ZNF705A: variants seen among roughly 807,000 people sequenced by gnomAD.
The protein encoded by ZNF705A is zinc finger protein 705A.
ZNF705A carries 8 observed loss-of-function variants against 16.6 expected under a neutral mutation model. The ratio of observed to expected loss-of-function variants is 0.48; its 90% CI spans 0.28 to 0.87. The LOEUF (loss-of-function observed/expected upper bound fraction) is 0.87, where lower values mean the gene tolerates loss of function less well. ZNF705A is among the 40% of genes least tolerant of loss of function. The pLI is 0.10. For missense variants in ZNF705A, 233 were observed against 359.9 expected (o/e 0.65, Z 2.85); for synonymous variants, 73 against 117.3 (o/e 0.62, Z 2.44).
intron 1 of ZNF705A, among the ~76,000 whole-genome samples, chr12:8,163,883 T>G (rs1948377722): frequency 6.6e-6 from 1 of 152,134 alleles, no homozygotes; most frequent in Non-Finnish European, 1.5e-5. Flanking sequence ...TCCTTTTAAG[T>G]TTTTTAACCA....
chr12:8,163,285 C>T (rs1309421853), intron 1 of ZNF705A, among the ~76,000 whole-genome samples: 1 of 152,196 alleles, frequency 6.6e-6, no homozygotes, highest in Non-Finnish European at 1.5e-5. Context: ...CTTTGCAATA[C>T]AGACGCTTAG....
chr12:8,166,798 T>C (rs1948402738), intron 1 of ZNF705A, among the ~76,000 whole-genome samples: 2 of 152,258 alleles, frequency 1.3e-5, no homozygotes, highest in Non-Finnish European at 2.9e-5. Context: ...CCTAGAATGC[T>C]GTGAGCACTG....
chr12:8,168,651 C>T (rs955657168), upstream of ZNF705A, among the ~76,000 whole-genome samples: 4 of 152,270 alleles, frequency 2.6e-5, no homozygotes, highest in South Asian at 2.1e-4. Context: ...TAGCCAAATT[C>T]GTGGCCAAAC....
At chr12:8,162,498 T>C (rs1948363984) in intron 1 of ZNF705A, among the ~76,000 whole-genome samples, 1 of 152,032 alleles carries the variant, frequency 6.6e-6, no homozygotes, top group African/African-American at 2.4e-5. Flanking sequence ...GAGATAGCAG[T>C]TGTTCATGTT....
chr12:8,169,239 C>T (rs4523764), upstream of ZNF705A, among the ~76,000 whole-genome samples: 16 of 152,226 alleles, frequency 1.1e-4, no homozygotes, highest in East Asian at 3.9e-4. Flanking sequence ...TTTCAGGGCA[C>T]GGTGCTTTCA....
At chr12:8,177,151 C>G (rs993459232) in exon 5 of ZNF705A, 1 of 1,611,870 alleles carries the variant, frequency 6.2e-7, no homozygotes, top group African/African-American at 1.3e-5. Context: ...GTAATCTTTT[C>G]TCCCCTAAAC....
chr12:8,177,400 C>T, exon 5 of ZNF705A: 1 of 1,611,986 alleles, frequency 6.2e-7, no homozygotes, highest in Non-Finnish European at 8.5e-7. Flanking sequence ...TTATTCAATC[C>T]TTTAACCTTC....
At chr12:8,162,741 T>G (rs1948366449) in intron 1 of ZNF705A, among the ~76,000 whole-genome samples, 1 of 152,192 alleles carries the variant, frequency 6.6e-6, no homozygotes, top group African/African-American at 2.4e-5. Context: ...AGCGAAATGC[T>G]GTCTAAGCCC....
chr12:8,178,097 C>T (rs1212066939), exon 5 of ZNF705A: 1 of 163,548 alleles, frequency 6.1e-6, no homozygotes, highest in Non-Finnish European at 1.4e-5. Flanking sequence ...AATTTATTGT[C>T]AAATAACATG....
chr12:8,179,134 C>G (rs1158206479), exon 5 of ZNF705A: 2 of 152,218 alleles, frequency 1.3e-5, no homozygotes, highest in African/African-American at 4.8e-5. Flanking sequence ...GAGAATAAGG[C>G]AGCTCTTCTC....
intron 1 of ZNF705A, among the ~76,000 whole-genome samples, chr12:8,163,511 C>T (rs1261802416): frequency 1.3e-5 from 2 of 152,160 alleles, no homozygotes; most frequent in Non-Finnish European, 2.9e-5. Context: ...TCACCATTGT[C>T]ATCATAATCA....
chr12:8,173,397 G>A (rs1948460630), intron 1 of ZNF705A, among the ~76,000 whole-genome samples: 1 of 152,176 alleles, frequency 6.6e-6, no homozygotes, highest in African/African-American at 2.4e-5. Flanking sequence ...TTAGGGTTCT[G>A]TGGAAATGCT....
At chr12:8,178,910 T>C (rs1948509013) in exon 5 of ZNF705A, 1 of 152,222 alleles carries the variant, frequency 6.6e-6, no homozygotes, top group Non-Finnish European at 1.5e-5. Flanking sequence ...TCCTCACAGC[T>C]CACCTCCCTT....
chr12:8,166,548 C>T (rs780745166), intron 1 of ZNF705A, among the ~76,000 whole-genome samples: 6 of 152,278 alleles, frequency 3.9e-5, no homozygotes, highest in African/African-American at 1.4e-4. Flanking sequence ...GTAAGACATG[C>T]CTTTTGCCTT....
chr12:8,174,080 G>T (rs1298788791), intron 1 of ZNF705A, among the ~76,000 whole-genome samples: 1 of 152,030 alleles, frequency 6.6e-6, no homozygotes, highest in East Asian at 1.9e-4. Context: ...AAAAATATCT[G>T]GGTTATATTA....
At chr12:8,179,770 C>T (rs936836907) in exon 5 of ZNF705A, 7 of 152,112 alleles carry the variant, frequency 4.6e-5, no homozygotes, top group Non-Finnish European at 1.0e-4. Flanking sequence ...ATTGTTTAAT[C>T]TATTTAATTA....
chr12:8,166,417 C>T (rs1332262427), intron 1 of ZNF705A, among the ~76,000 whole-genome samples: 1 of 152,194 alleles, frequency 6.6e-6, no homozygotes. Flanking sequence ...ATAACTGAAT[C>T]ATGGGGGCAG....
chr12:8,171,517 TAAAATATCAG>T, upstream of ZNF705A, among the ~76,000 whole-genome samples: 1 of 152,316 alleles, frequency 6.6e-6, no homozygotes, highest in African/African-American at 2.4e-5. Context: ...ACCACGTTAG[TAAAATATCAG>T]ATTGAGCTGC....
At chr12:8,172,322 C>T (rs1948452100), upstream of ZNF705A, among the ~76,000 whole-genome samples, 1 of 151,602 alleles carries the variant, frequency 6.6e-6, no homozygotes, top group African/African-American at 2.4e-5. Flanking sequence ...AAACTCCGTG[C>T]TTTTGATGTT....
Sources: allele counts gnomAD v4.1 joint callset (sites outside exome capture counted in the v4.1 genomes callset), GRCh38; gene constraint gnomAD v4.1.1; transcripts MANE v1.5; gene names NCBI Gene and HGNC (gene_info 2026-07-23, HGNC 2026-07-21).